PSME4: variants seen among roughly 807,000 people sequenced by gnomAD.
PSME4 encodes the protein proteasome activator complex subunit 4.
PSME4 carries 89 observed loss-of-function variants against 253.9 expected under a neutral mutation model. The observed-to-expected ratio is 0.35, with a 90% confidence interval of 0.30 to 0.42. The LOEUF is 0.42. PSME4 is among the 10% of genes least tolerant of loss of function. The pLI, the probability that PSME4 is intolerant of heterozygous loss-of-function variation, is 1.00. For synonymous variants in PSME4, 851 were observed against 759.2 expected, an observed-to-expected ratio of 1.12 and a Z score of -1.99; for missense variants, 2,014 against 2,195.2, an observed-to-expected ratio of 0.92 and a Z score of 1.65.
chr2:53,955,122 G>C (rs960036083), intron 1 of PSME4, among the ~76,000 whole-genome samples: 1 of 152,132 alleles, frequency 6.6e-6, no homozygotes, highest in Non-Finnish European at 1.5e-5. Flanking sequence ...AGTGAGCCAT[G>C]ATCTTGCCAC....
intron 44 of PSME4, among the ~76,000 whole-genome samples, chr2:53,868,491 ATATATG>A (rs1253556641): frequency 4.9e-5 from 2 of 40,716 alleles, no homozygotes; most frequent in Admixed American, 5.1e-4. Context: ...TAATATATAT[ATATATG>A]ATATATATTA....
At position 53,920,337 on chromosome 2, in the gene PSME4, G is replaced by T. The variant is rs371021754; in HGVS notation, c.2276C>A (p.Pro759His). 16 of 1,612,204 alleles carry T rather than the reference G, an allele frequency of 9.9e-6. No individual in the cohort carries two copies. The highest frequency in any genetic ancestry group is 1.3e-5 in the African/African-American group (1 of 74,838). Residue 759 changes from proline (P) to histidine (H), a missense_variant, in exon 19 of 47, where the codon CCC (proline) becomes CAC (histidine). Transcript: ENST00000404125. ...EYFPIKDWGK[P>H]GDLWNLGIQW... is the part of the protein sequence containing the mutation. The stretch of plus-strand genomic sequence containing the variant: ...GATTCCCAGATTCCACAAGTCCCCG[G>T]GTTTGCCCCAGTCCTAGAAGAGAAC...
At chr2:53,930,049 T>A (rs1317160782) in intron 10 of PSME4, among the ~76,000 whole-genome samples, 1 of 151,482 alleles carries the variant, frequency 6.6e-6, no homozygotes, top group Non-Finnish European at 1.5e-5. Flanking sequence ...AATAAATAAA[T>A]AAATAATAAA....
intron 43 of PSME4, among the ~76,000 whole-genome samples, chr2:53,872,165 C>A (rs1678907973): frequency 6.6e-6 from 1 of 152,194 alleles, no homozygotes; most frequent in Non-Finnish European, 1.5e-5. Context: ...GTGACAGGGT[C>A]TACTTCTGAG....
chr2:53,872,876 T>G (rs1377521771), intron 43 of PSME4, among the ~76,000 whole-genome samples: 1 of 146,744 alleles, frequency 6.8e-6, no homozygotes, highest in Non-Finnish European at 1.5e-5. Context: ...TAGGTTAGTT[T>G]TTAAAGAATA....
intron 28 of PSME4, 77 bp from the exon 29 acceptor site, chr2:53,900,094 G>C: frequency 1.5e-6 from 2 of 1,355,224 alleles, no homozygotes; most frequent in Non-Finnish European, 2.0e-6. Context: ...AAAATGTCAT[G>C]CTAAGTGAAA....
At chr2:53,891,337 A>G (rs536754978) in intron 36 of PSME4, among the ~76,000 whole-genome samples, 2 of 152,298 alleles carry the variant, frequency 1.3e-5, no homozygotes, top group Admixed American at 1.3e-4. Context: ...GATAAAATGC[A>G]GATTGATTCA....
At chr2:53,959,965 T>C (rs1484442178) in intron 1 of PSME4, among the ~76,000 whole-genome samples, 1 of 152,206 alleles carries the variant, frequency 6.6e-6, no homozygotes, top group Non-Finnish European at 1.5e-5. Flanking sequence ...TAACAGATTT[T>C]TGTGGATTGA....
chr2:53,876,060 A>G (rs556948316), intron 41 of PSME4, among the ~76,000 whole-genome samples: 2 of 152,322 alleles, frequency 1.3e-5, no homozygotes, highest in East Asian at 1.9e-4. Flanking sequence ...AGGTCCCTTA[A>G]AAAAGAATCA....
intron 43 of PSME4, 144 bp from the exon 44 acceptor site, chr2:53,869,682 T>A: frequency 7.4e-6 from 4 of 540,166 alleles, no homozygotes; most frequent in Non-Finnish European, 1.2e-5. Context: ...AGTTTCTTAA[T>A]AGAGATTTCA....
chr2:53,873,238 C>CTAAAAAAAAAAAAAAA (rs1678972889), intron 43 of PSME4, among the ~76,000 whole-genome samples: 1 of 123,154 alleles, frequency 8.1e-6, no homozygotes, highest in Non-Finnish European at 1.6e-5. Context: ...GACTCCGTCT[C>CTAAAAAAAAAAAAAAA]AAAAAAAAAG....
chr2:53,921,739 G>A (rs1668331113), intron 17 of PSME4, among the ~76,000 whole-genome samples: 2 of 133,112 alleles, frequency 1.5e-5, no homozygotes, highest in African/African-American at 5.5e-5. Context: ...GTAGTGGCGG[G>A]CGCCTGTAGT....
chr2:53,960,475 G>A (rs1340290253), intron 1 of PSME4, among the ~76,000 whole-genome samples: 12 of 151,494 alleles, frequency 7.9e-5, no homozygotes, highest in Admixed American at 7.9e-4. Context: ...TCGGTGGCAA[G>A]GAGAAATAAC....
At chr2:53,908,097 G>C (rs1667652133) in intron 24 of PSME4, 1 of 486,382 alleles carries the variant, frequency 2.1e-6, no homozygotes, top group Non-Finnish European at 3.6e-6. Flanking sequence ...TGAGAGTTTA[G>C]AGACTGTCAT....
At chr2:53,876,895 A>T (rs1460647531) in intron 41 of PSME4, among the ~76,000 whole-genome samples, 3 of 149,704 alleles carry the variant, frequency 2.0e-5, no homozygotes, top group South Asian at 2.1e-4. Context: ...TTTTTTTTTT[A>T]AATGTATGGT....
chr2:53,949,343 A>G (rs1260664049), intron 1 of PSME4, 60 bp from the exon 2 acceptor site: 1 of 1,123,288 alleles, frequency 8.9e-7, no homozygotes, highest in Non-Finnish European at 1.2e-6. Flanking sequence ...TCCATGTTCA[A>G]TGCAGCATTA....
Position 53,892,843 on chromosome 2 carries a change from A to C in PSME4, c.4156T>G (p.Leu1386Val). ...GTCCAGTGCTTAGAACCTCTGATTA[A>C]ACCAGCTATAATTTCTGCAACACAT... Reference protein sequence around the residue: ...QRCVAEIIAGLIRGSKHWTFE... With the variant: ...QRCVAEIIAGVIRGSKHWTFE... The change falls in exon 36 of 47, where the codon TTA (leucine) becomes GTA (valine). Residue 1386 changes from leucine (L) to valine (V), a missense_variant. Leu to Val is a conservative substitution (Grantham distance 32). This residue lies in a region of PSME4 where 403 missense variants were observed against 556.1 expected (regional missense o/e 0.72). Coordinates refer to ENST00000404125, the MANE Select transcript of PSME4 (RefSeq NM_014614.3). 6.2e-7 allele frequency: 1 copy of C among 1,613,782 alleles called. No individual in the cohort carries two copies. Among genetic ancestry groups the C allele is most frequent in the Non-Finnish European group, 8.5e-7 (1 of 1,179,832 alleles).
At chr2:53,919,121 G>A (rs1668187507) in intron 20 of PSME4, 30 bp downstream of exon 20, 3 of 1,576,066 alleles carry the variant, frequency 1.9e-6, no homozygotes. Context: ...TAAAATATAT[G>A]TTAAGTGGAA....
chr2:53,930,577 T>C (rs899731109), intron 10 of PSME4, among the ~76,000 whole-genome samples: 4 of 152,140 alleles, frequency 2.6e-5, no homozygotes, highest in Admixed American at 6.6e-5. Flanking sequence ...TATGTAAAAA[T>C]AGGAGAAGTT....
Sources: gnomAD v4.1 joint callset for allele counts (sites outside exome capture counted in the v4.1 genomes callset) on GRCh38, gnomAD v4.1.1 for gene constraint, gnomAD v4.1.1 regional missense constraint, MANE v1.5 for transcripts, NCBI Gene and HGNC (gene_info 2026-07-23, HGNC 2026-07-21) for gene names.